Variants in SYNE2 observed in about 807,000 individuals in gnomAD.
SYNE2 encodes spectrin repeat containing nuclear envelope protein 2, also known as nesprin-2.
In SYNE2, 431 loss-of-function variants were observed where a neutral mutation model predicts 856.3. The observed-to-expected ratio is 0.50, with a 90% CI of 0.47 to 0.55. SYNE2 has a LOEUF of 0.55. Among genes scored for constraint, SYNE2 ranks in the 20% least tolerant of loss-of-function variants. SYNE2 has a pLI of 0.00. For synonymous variants in SYNE2, 2,923 were observed against 2,872.3 expected, an observed-to-expected ratio of 1.02 and a Z score of -0.56; for missense variants, 8,129 against 8,023.2, an observed-to-expected ratio of 1.01 and a Z score of -0.50.
chr14:63,988,133 G>C (rs756600095), intron 19 of SYNE2, among the ~76,000 whole-genome samples: 7 of 152,076 alleles, frequency 4.6e-5, no homozygotes, highest in Non-Finnish European at 1.0e-4. Flanking sequence ...ACCCAGGCTG[G>C]AGTACAGTGG....
intron 83 of SYNE2, 117 bp downstream of exon 83, chr14:64,144,065 A>G: frequency 3.4e-6 from 4 of 1,168,152 alleles, no homozygotes; most frequent in Non-Finnish European, 5.1e-6. Flanking sequence ...AATCATCTCA[A>G]CTATAGCCCT....
intron 1 of SYNE2, among the ~76,000 whole-genome samples, chr14:63,826,257 A>G (rs1056120723): frequency 2.8e-5 from 4 of 143,464 alleles, no homozygotes; most frequent in Admixed American, 1.5e-4. Flanking sequence ...CTTATGGTCA[A>G]TTGATTTTTG....
In SYNE2 at chr14:63,949,968, A is replaced by C. The variant is rs1396737685; in HGVS notation, c.552A>C (p.Arg184Ser). The C allele has an allele frequency of 1.2e-6, 2 of 1,614,146 alleles. No homozygotes were observed. Among genetic ancestry groups the C allele is most frequent in the South Asian group, 1.1e-5 (1 of 91,076 alleles). Residue 184 changes from arginine to serine, a missense_variant, in exon 7 of 116, where the codon AGA becomes AGC. Physicochemically the swap from Arg to Ser is moderately radical, Grantham distance 110 (BLOSUM62 -1). Transcript: ENST00000555002. ...AAGCAAGATGGCAAATGTCTGCAAG[A>C]AAGGCCCTTCTTTTGTGGGCTCAGG... Reference protein sequence around the residue: ...KVQARWQMSARKALLLWAQEQ... With the variant: ...KVQARWQMSASKALLLWAQEQ...
Position 64,053,284 on chromosome 14 carries a change from A to C in SYNE2, c.9371A>C (p.Lys3124Thr). ...AAGGAGAAAGAAATACTACAAATAA[A>C]GCTGAATGCAGAAGAAAATGATAAG... is the stretch of plus-strand genomic sequence containing the variant. ...SFKEKEILQI[K>T]LNAEENDKLY... The change falls in exon 48 of 116, where the codon AAG (lysine) becomes ACG (threonine). Residue 3124 changes from lysine to threonine, a missense_variant. Around this residue, in one of 3 missense-constraint regions of SYNE2, gnomAD observed 5,410 missense variants for 5,284.8 expected, o/e 1.02. Coordinates refer to ENST00000555002, the MANE Select transcript of SYNE2 (RefSeq NM_182914.3). 2.5e-6 allele frequency: 4 copies of C among 1,608,164 alleles called. No individual in the cohort carries two copies. Among genetic ancestry groups the C allele is most frequent in the Non-Finnish European group, 3.4e-6 (4 of 1,178,338 alleles).
At chr14:64,145,327 G>C (rs958539091) in intron 83 of SYNE2, among the ~76,000 whole-genome samples, 3 of 151,904 alleles carry the variant, frequency 2.0e-5, no homozygotes, top group African/African-American at 7.2e-5. Flanking sequence ...CACAAGGTCA[G>C]GTGTTTTCTT....
At chr14:63,787,469 C>T (rs1418185151) in intron 1 of SYNE2, among the ~76,000 whole-genome samples, 3 of 152,160 alleles carry the variant, frequency 2.0e-5, no homozygotes, top group South Asian at 4.1e-4. Flanking sequence ...CCTCTGTGGC[C>T]GGTGATGCCT....
In SYNE2 at chr14:64,049,782, A is replaced by T. The variant is rs774431675; in HGVS notation, c.7549A>T (p.Ser2517Cys). Reference sequence around the variant, plus strand: ...TATTACTTTGAAGAAAAACAAAGAAAGCCAATATTGTGTCCTCAGAGATTT... The same window carrying T: ...TATTACTTTGAAGAAAAACAAAGAATGCCAATATTGTGTCCTCAGAGATTT... Reference protein sequence around the residue: ...ALITLKKNKESQYCVLRDFQE... With the variant: ...ALITLKKNKECQYCVLRDFQE... Residue 2517 changes from serine (S) to cysteine (C), a missense_variant, in exon 47 of 116, where the codon AGC becomes TGC. This residue lies in a region of SYNE2 where 5,410 missense variants were observed against 5,284.8 expected (regional missense o/e 1.02). Coordinates refer to ENST00000555002, the MANE Select transcript of SYNE2 (RefSeq NM_182914.3). The T allele has an allele frequency of 1.2e-6, 2 of 1,614,186 alleles. No homozygotes were observed. The highest frequency in any genetic ancestry group is 1.7e-6 in the Non-Finnish European group (2 of 1,180,028).
chr14:63,942,250 A>G, intron 6 of SYNE2, 107 bp downstream of exon 6: 1 of 736,390 alleles, frequency 1.4e-6, no homozygotes, highest in Admixed American at 2.2e-5. Flanking sequence ...CTTCTCCTAT[A>G]AATAGGACCT....
intron 1 of SYNE2, among the ~76,000 whole-genome samples, chr14:63,811,070 C>T (rs1432825640): frequency 6.6e-6 from 1 of 152,068 alleles, no homozygotes; most frequent in African/African-American, 2.4e-5. Context: ...CTCCTGACCT[C>T]GTGATCCGCC....
At chr14:63,858,605 C>G (rs574449493) in intron 1 of SYNE2, among the ~76,000 whole-genome samples, 2 of 152,046 alleles carry the variant, frequency 1.3e-5, no homozygotes, top group African/African-American at 4.8e-5. Flanking sequence ...TATAAGGAAC[C>G]CACTCCTGCG....
In SYNE2 at chr14:64,210,073, G is replaced by T. The variant is rs137984360; in HGVS notation, c.18672G>T (p.Gln6224His). Residue 6224 changes from glutamine to histidine, a missense_variant, in exon 103 of 116, where the codon CAG (glutamine) becomes CAT (histidine). Gln to His is a conservative substitution (Grantham distance 24). This residue lies in a region of SYNE2 where 5,410 missense variants were observed against 5,284.8 expected (regional missense o/e 1.02). Transcript: ENST00000555002. ...RLKQMVHEGN[Q>H]RWDNLQRRVT... ...AGCAGATGGTCCACGAGGGCAACCA[G>T]CGCTGGGACAACCTTCAGAGGCGGG... 6.2e-7 allele frequency: 1 copy of T among 1,613,972 alleles called. No homozygotes were observed. The highest frequency in any genetic ancestry group is 8.5e-7 in the Non-Finnish European group (1 of 1,180,028).
At chr14:64,034,073 AAGAGATC>A (rs1315998136) in intron 45 of SYNE2, among the ~76,000 whole-genome samples, 7 of 152,228 alleles carry the variant, frequency 4.6e-5, no homozygotes, top group Non-Finnish European at 1.0e-4. Context: ...CAACTAGCAA[AAGAGATC>A]AGATTTATGC....
intron 63 of SYNE2, chr14:64,099,339 G>A (rs2097702458): frequency 1.1e-5 from 2 of 174,024 alleles, no homozygotes; most frequent in Non-Finnish European, 2.5e-5. Flanking sequence ...GTTGCAATGG[G>A]TCTTAAGACA....
At chr14:63,821,885 G>A (rs1813541922) in intron 1 of SYNE2, among the ~76,000 whole-genome samples, 1 of 151,196 alleles carries the variant, frequency 6.6e-6, no homozygotes, top group Non-Finnish European at 1.5e-5. Flanking sequence ...TATCTTAGAA[G>A]CATTTATTCA....
intron 43 of SYNE2, among the ~76,000 whole-genome samples, chr14:64,028,811 C>G (rs752798188): frequency 6.6e-6 from 1 of 152,132 alleles, no homozygotes; most frequent in South Asian, 2.1e-4. Flanking sequence ...GTGCCCCTCC[C>G]TCAGATCTTC....
chr14:64,206,401 GTTC>G (rs2098605439), intron 100 of SYNE2, among the ~76,000 whole-genome samples: 1 of 151,964 alleles, frequency 6.6e-6, no homozygotes, highest in South Asian at 2.1e-4. Context: ...CTTGCAAAAT[GTTC>G]TTGTCTAGCA....
In SYNE2 at chr14:64,026,622, C is replaced by A. The variant is rs751986503; in HGVS notation, c.6296C>A (p.Thr2099Asn). 2.0e-5 allele frequency: 32 copies of A among 1,613,588 alleles called. No individual in the cohort carries two copies. The South Asian group carries it at 2.5e-4, about 13-fold the overall frequency. ...CCTGAAGGGGATGCCAGAATAGAGA[C>A]CATCATGAAGCAGGCTGAGAGCAGC... ...LKPEGDARIE[T>N]IMKQAESSEA... Residue 2099 changes from threonine (T) to asparagine (N), a missense_variant, in exon 42 of 116, where the codon ACC becomes AAC. Physicochemically the swap from Thr to Asn is moderately conservative, Grantham distance 65 (BLOSUM62 0). Around this residue, in one of 3 missense-constraint regions of SYNE2, gnomAD observed 297 missense variants for 380.9 expected, o/e 0.78. Coordinates refer to ENST00000555002, the MANE Select transcript of SYNE2 (RefSeq NM_182914.3).
intron 11 of SYNE2, among the ~76,000 whole-genome samples, chr14:63,973,128 CA>C (rs2096492951): frequency 6.6e-6 from 1 of 152,042 alleles, no homozygotes; most frequent in African/African-American, 2.4e-5. Context: ...TGGTGGCACA[CA>C]CCTGTAATCC....
intron 1 of SYNE2, among the ~76,000 whole-genome samples, chr14:63,790,983 A>G (rs1362932163): frequency 1.3e-5 from 2 of 151,598 alleles, no homozygotes; most frequent in East Asian, 1.9e-4. Context: ...TTTTTTAGAC[A>G]GAGTCTCGCT....
Sources: allele counts gnomAD v4.1 joint callset (sites outside exome capture counted in the v4.1 genomes callset), GRCh38; gene constraint gnomAD v4.1.1; regional missense constraint gnomAD v4.1.1; transcripts MANE v1.5; gene names NCBI Gene and HGNC (gene_info 2026-07-23, HGNC 2026-07-21).